PKHD1: variants seen among roughly 807,000 people sequenced by gnomAD.
The protein encoded by PKHD1 is fibrocystin.
Under a neutral mutation model 412.0 loss-of-function variants are expected in PKHD1, and 291 were observed. That is an observed-to-expected ratio of 0.71 (90% CI 0.64 to 0.78). PKHD1 has a LOEUF of 0.78. Ranked by LOEUF, PKHD1 falls within the 30% of genes least tolerant of loss-of-function variation. The pLI is 0.00. For synonymous variants in PKHD1, 1,777 were observed against 1,821.5 expected (o/e 0.98, Z 0.62); for missense variants, 4,825 against 4,950.7 (o/e 0.97, Z 0.76).
chr6:52,019,091 G>A (rs1800995947), intron 33 of PKHD1, among the ~76,000 whole-genome samples: 1 of 152,144 alleles, frequency 6.6e-6, no homozygotes, highest in African/African-American at 2.4e-5. Context: ...TCTTTAACTA[G>A]AAGATGAACA....
chr6:51,920,239 T>G (rs1784477747), intron 37 of PKHD1, among the ~76,000 whole-genome samples: 1 of 152,232 alleles, frequency 6.6e-6, no homozygotes, highest in South Asian at 2.1e-4. Flanking sequence ...TTTCTGCCCA[T>G]TCAGTATGAT....
At chr6:51,776,587 C>T (rs1406756211) in intron 53 of PKHD1, among the ~76,000 whole-genome samples, 3 of 151,936 alleles carry the variant, frequency 2.0e-5, no homozygotes, top group Non-Finnish European at 2.9e-5. Flanking sequence ...TCACAACAAA[C>T]CTGAGAAGTC....
intron 60 of PKHD1, among the ~76,000 whole-genome samples, chr6:51,667,494 T>C (rs1276113616): frequency 6.7e-6 from 1 of 150,126 alleles, no homozygotes; most frequent in Non-Finnish European, 1.5e-5. Flanking sequence ...ATTTTGTAGG[T>C]TGCCTGTTCA....
rs546408573 is a variant in PKHD1, at chr6:52,012,065, G to GT, written c.5601-1607dup. On this transcript the variant is annotated intron_variant, in intron 34 of 66. Transcript: ENST00000371117. ...ATGATTTTCTGAGGAGCACTGGCAT[G>GT]TAAAGCTTAGGCTCAGAAGCAGATC... Among the ~76,000 whole-genome samples the GT allele has an allele frequency of 3.6e-4, 55 of 152,352 alleles. No homozygotes were observed. In the South Asian group the frequency reaches 0.011, roughly 32 times the overall value.
rs1031429662 is a variant in PKHD1 at position 51,633,726 on chromosome 6, C to T, written c.11507-1003G>A. ...GAGTTAAAGAACAGATCAGTGGTTG[C>T]CAACGATGAATGGTGGAGAAAGGCT... On this transcript the variant is annotated intron_variant, in intron 64 of 66. Transcript: ENST00000371117. Among the ~76,000 whole-genome samples the T allele has an allele frequency of 3.3e-5, 5 of 152,000 alleles. No individual in the cohort carries two copies. In the South Asian group the frequency reaches 8.3e-4, roughly 25 times the overall value.
intron 52 of PKHD1, among the ~76,000 whole-genome samples, chr6:51,829,075 A>T (rs1767812422): frequency 6.6e-6 from 1 of 152,180 alleles, no homozygotes; most frequent in African/African-American, 2.4e-5. Context: ...TGTATGTTTT[A>T]AAATTCTTAA....
chr6:51,927,280 T>A (rs1316986788), intron 37 of PKHD1, among the ~76,000 whole-genome samples: 1 of 152,086 alleles, frequency 6.6e-6, no homozygotes, highest in Admixed American at 6.6e-5. Flanking sequence ...TGGGTGGGAC[T>A]TCTGCTCCTC....
At chr6:51,996,368 T>G (rs1227387925) in intron 35 of PKHD1, among the ~76,000 whole-genome samples, 1 of 152,166 alleles carries the variant, frequency 6.6e-6, no homozygotes, top group Non-Finnish European at 1.5e-5. Context: ...AAACCGACAC[T>G]GTAACAGACT....
intron 31 of PKHD1, among the ~76,000 whole-genome samples, chr6:52,026,808 G>C (rs986571376): frequency 6.6e-6 from 1 of 152,138 alleles, no homozygotes; most frequent in African/African-American, 2.4e-5. Flanking sequence ...CTCTCCAGTA[G>C]AGAGGCCACC....
intron 48 of PKHD1, among the ~76,000 whole-genome samples, chr6:51,866,785 A>C (rs1349949032): frequency 6.6e-6 from 1 of 152,178 alleles, no homozygotes; most frequent in South Asian, 2.1e-4. Context: ...AATAATAAAA[A>C]TCAGGCTGCA....
At chr6:52,005,162 G>T (rs1376023706) in intron 35 of PKHD1, among the ~76,000 whole-genome samples, 2 of 152,176 alleles carry the variant, frequency 1.3e-5, no homozygotes, top group Non-Finnish European at 2.9e-5. Context: ...ACTATTGAGT[G>T]TGTTGCCTCT....
rs148108992 is a variant in PKHD1, at chr6:52,024,717, T to C, written c.5093A>G (p.Asn1698Ser). The C allele has an allele frequency of 3.2e-5, 51 of 1,614,182 alleles. 1 individual carries two copies. The African/African-American group carries it at 4.1e-4, about 13-fold the overall frequency. ...GMSPCVGVSG[N>S]HTVLQCVVPS... is the part of the protein sequence containing the mutation. The stretch of plus-strand genomic sequence containing the variant: ...GACCACGCACTGAAGAACGGTGTGG[T>C]TACCAGAGACACCCACACAGGGTGA... The change falls in exon 32 of 67, where the codon AAC (asparagine) becomes AGC (serine). Residue 1698 changes from asparagine (N) to serine (S), a missense_variant. Transcript: ENST00000371117.
At chr6:52,026,768 T>A (rs1237725276) in intron 31 of PKHD1, among the ~76,000 whole-genome samples, 1 of 152,220 alleles carries the variant, frequency 6.6e-6, no homozygotes, top group Non-Finnish European at 1.5e-5. Context: ...CTGGTGAATT[T>A]GCTGCTACCT....
chr6:51,656,740 A>C (rs1771927940), intron 61 of PKHD1, among the ~76,000 whole-genome samples: 1 of 150,582 alleles, frequency 6.6e-6, no homozygotes. Context: ...AGCTCATTGC[A>C]ACCTCTCTCT....
At chr6:51,814,346 A>C (rs1659595159) in intron 52 of PKHD1, among the ~76,000 whole-genome samples, 1 of 152,206 alleles carries the variant, frequency 6.6e-6, no homozygotes, top group South Asian at 2.1e-4. Flanking sequence ...GCAAACAGCA[A>C]AACTTGGGCT....
In PKHD1 at chr6:51,900,948, C is replaced by G. The variant is rs1317207796; in HGVS notation, c.6996+2649G>C. Among the ~76,000 whole-genome samples, 29 of 152,076 alleles carry G rather than the reference C, an allele frequency of 1.9e-4. 1 individual carries two copies. Among genetic ancestry groups the G allele is most frequent in the Admixed American group, 1.8e-3 (28 of 15,268 alleles). ...ATCATCACTGGCCATCAGAGAAATG[C>G]AAATCAAAACCACAATGAGATACCA... On this transcript the variant is annotated intron_variant, in intron 43 of 66. Coordinates refer to ENST00000371117, the MANE Select transcript of PKHD1 (RefSeq NM_138694.4).
intron 55 of PKHD1, among the ~76,000 whole-genome samples, chr6:51,758,897 C>T (rs1004863733): frequency 1.3e-5 from 2 of 152,152 alleles, no homozygotes; most frequent in Admixed American, 6.6e-5. Flanking sequence ...AAGACATTCA[C>T]GTGTAAACAC....
At position 51,887,233 on chromosome 6, in the gene PKHD1, A is replaced by G; in HGVS notation, c.7009T>C (p.Cys2337Arg). The change falls in exon 44 of 67, where the codon TGT (cysteine) becomes CGT (arginine). Residue 2337 changes from cysteine (C) to arginine (R), a missense_variant. Coordinates refer to ENST00000371117, the MANE Select transcript of PKHD1 (RefSeq NM_138694.4). ...PTNVIEGNRV[C>R]GAGYGYFFHL... is the part of the protein sequence containing the mutation. The stretch of plus-strand genomic sequence containing the variant: ...AAAAAGTAGCCATAGCCAGCACCAC[A>G]CACTCTGTTCCCCTACAGAAATTAA... 1 of 1,605,168 alleles carries G rather than the reference A, an allele frequency of 6.2e-7. No individual in the cohort carries two copies. The highest frequency in any genetic ancestry group is 8.5e-7 in the Non-Finnish European group (1 of 1,171,878).
chr6:51,947,494 T>C (rs554579291), intron 36 of PKHD1, among the ~76,000 whole-genome samples: 2 of 152,368 alleles, frequency 1.3e-5, no homozygotes, highest in South Asian at 4.1e-4. Flanking sequence ...GTCTTCATTT[T>C]TAGCAAATAC....
Sources: allele counts gnomAD v4.1 joint callset (sites outside exome capture counted in the v4.1 genomes callset), GRCh38; gene constraint gnomAD v4.1.1; transcripts MANE v1.5; gene names NCBI Gene and HGNC (gene_info 2026-07-23, HGNC 2026-07-21).